The following RFC5 variants were observed in gnomAD, a reference collection of about 807,000 sequenced individuals.
RFC5 encodes replication factor C subunit 5.
A neutral mutation model predicts 44.3 loss-of-function variants in RFC5; 26 were observed. The observed-to-expected ratio is 0.59, with a 90% confidence interval of 0.43 to 0.81. The LOEUF is 0.81. Ranked by LOEUF, RFC5 falls within the 40% of genes least tolerant of loss-of-function variation. The probability of loss-of-function intolerance (pLI) is 0.00; values close to 1 mark genes in which losing one functional copy is unlikely to be tolerated. For synonymous variants in RFC5, 155 were observed against 155.2 expected (o/e 1.00, Z 0.01); for missense variants, 328 against 418.6 (o/e 0.78, Z 1.89).
At chr12:118,020,060 T>A (rs974632872) in intron 3 of RFC5, among the ~76,000 whole-genome samples, 4 of 152,204 alleles carry the variant, frequency 2.6e-5, no homozygotes, top group African/African-American at 9.6e-5. Context: ...CCATGGCCCC[T>A]CTAGATCAAT....
the RFC5 span, among the ~76,000 whole-genome samples, chr12:118,039,753 T>A: frequency 1.3e-5 from 2 of 152,170 alleles, no homozygotes; most frequent in African/African-American, 4.8e-5. Context: ...TATTTTTTTT[T>A]ATTTTTTTGA....
At chr12:118,025,149 C>T (rs150302026) in intron 6 of RFC5, 139 bp downstream of exon 6, 23 of 624,604 alleles carry the variant, frequency 3.7e-5, no homozygotes, top group South Asian at 4.6e-5. Flanking sequence ...CACTGGGGAC[C>T]GTCCACTGCT....
chr12:118,025,302 C>G (rs1857452548), intron 6 of RFC5: 2 of 368,864 alleles, frequency 5.4e-6, no homozygotes, highest in Non-Finnish European at 9.8e-6. Context: ...GCTGCTGAGT[C>G]CCTTCTGCAA....
chr12:118,034,735 T>A, downstream of RFC5: 1 of 538,504 alleles, frequency 1.9e-6, no homozygotes, highest in African/African-American at 1.9e-5. Flanking sequence ...CATCTCAATT[T>A]TATTCTCCCT....
chr12:118,034,086 C>T, downstream of RFC5: 1 of 1,434,242 alleles, frequency 7.0e-7, no homozygotes, highest in Non-Finnish European at 9.6e-7. Context: ...TTCACAATCC[C>T]AAAGAAATGC....
At chr12:118,034,023 G>A, downstream of RFC5, 1 of 837,082 alleles carries the variant, frequency 1.2e-6, no homozygotes, top group East Asian at 2.6e-5. Context: ...TCACATGCCA[G>A]GGAGAGAAAG....
intron 1 of RFC5, chr12:118,017,745 A>C (rs2030192828): frequency 1.5e-6 from 1 of 665,394 alleles, no homozygotes; most frequent in Non-Finnish European, 2.6e-6. Flanking sequence ...ATCACAGCTC[A>C]GTGTAACCTC....
chr12:118,030,265 C>T (rs775211922), intron 10 of RFC5, among the ~76,000 whole-genome samples: 3 of 152,192 alleles, frequency 2.0e-5, no homozygotes, highest in Non-Finnish European at 2.9e-5. Context: ...TGGCAGCTAT[C>T]ATTTAAGTAG....
chr12:118,023,701 A>G (rs2030711882), intron 5 of RFC5, among the ~76,000 whole-genome samples: 1 of 152,044 alleles, frequency 6.6e-6, no homozygotes, highest in Non-Finnish European at 1.5e-5. Flanking sequence ...TGAGTGCTCT[A>G]AGGCCTCCAG....
downstream of RFC5, chr12:118,034,915 C>A: frequency 6.9e-7 from 1 of 1,449,806 alleles, no homozygotes; most frequent in Non-Finnish European, 9.5e-7. Context: ...TAGATGGTTT[C>A]TTTCCTTAAA....
At chr12:118,024,234 A>G (rs1002530711) in intron 5 of RFC5, among the ~76,000 whole-genome samples, 3 of 151,462 alleles carry the variant, frequency 2.0e-5, no homozygotes, top group Non-Finnish European at 2.9e-5. Context: ...CCAGCTACTC[A>G]GGAGGCTGAG....
intron 5 of RFC5, 123 bp from the exon 6 acceptor site, chr12:118,024,728 A>G: frequency 1.3e-6 from 1 of 792,068 alleles, no homozygotes; most frequent in South Asian, 1.7e-5. Context: ...CAACATCCTC[A>G]CTTGTTTGCA....
chr12:118,039,057 A>G, the RFC5 span, among the ~76,000 whole-genome samples: 1 of 152,170 alleles, frequency 6.6e-6, no homozygotes, highest in Non-Finnish European at 1.5e-5. Context: ...CATCATTCCC[A>G]ATTTTAAGAG....
At chr12:118,025,356 C>A in intron 6 of RFC5, 1 of 329,894 alleles carries the variant, frequency 3.0e-6, no homozygotes, top group South Asian at 5.5e-5. Context: ...GGTTCTAAGA[C>A]ATCACATTCT....
chr12:118,017,924 C>T (rs1336618290), intron 1 of RFC5: 1 of 676,516 alleles, frequency 1.5e-6, no homozygotes, highest in Non-Finnish European at 2.7e-6. Context: ...TATCTAGTTC[C>T]AAAATTTCAT....
Position 118,031,322 on chromosome 12 carries a change from G to A in RFC5, c.*44G>A. The A allele has an allele frequency of 1.5e-6, 2 of 1,315,600 alleles. No individual in the cohort carries two copies. Among genetic ancestry groups the A allele is most frequent in the Non-Finnish European group, 2.2e-6 (2 of 912,020 alleles). The allele number at this position is 1,315,600 out of a possible 1,614,324, so 81.5% of individuals were successfully genotyped here. ...ACAATTCTCAGGGCTCAGCAGTGAT[G>A]GGAGAACAGAGGACAGTTCCAGGAT... is the stretch of plus-strand genomic sequence containing the variant. On this transcript the variant is annotated 3_prime_UTR_variant, in exon 11 of 11. Transcript: ENST00000454402.
chr12:118,022,325 C>A lies in RFC5; in HGVS notation c.387C>A (p.Ala129=), dbSNP rs773307225. Reference sequence around the variant, plus strand: ...TAGTGATCTTGGATGAAGCAGACGCCATGACTCAGGACGCCCAGAATGCCT... The same window carrying A: ...TAGTGATCTTGGATGAAGCAGACGCAATGACTCAGGACGCCCAGAATGCCT... ...FKLVILDEAD[A]MTQDAQNALR... is the part of the protein sequence containing the mutation. The change falls in exon 5 of 11, where the codon GCC becomes GCA. Residue 129 remains alanine (A), a synonymous_variant. Transcript: ENST00000454402. 5.0e-6 allele frequency: 8 copies of A among 1,613,920 alleles called. No homozygotes were observed. Among genetic ancestry groups the A allele is most frequent in the Admixed American group, 1.7e-5 (1 of 59,998 alleles).
downstream of RFC5, chr12:118,035,822 C>A (rs1383928084): frequency 6.1e-6 from 1 of 164,062 alleles, no homozygotes; most frequent in East Asian, 1.8e-4. Context: ...AATGCTGATT[C>A]CGAAGAAGTA....
chr12:118,036,636 T>C, downstream of RFC5: 1 of 974,750 alleles, frequency 1.0e-6, no homozygotes, highest in Non-Finnish European at 1.5e-6. Context: ...CTATCCCTTT[T>C]CTACAGCTCT....
Sources: gnomAD v4.1 joint callset for allele counts (sites outside exome capture counted in the v4.1 genomes callset) on GRCh38, gnomAD v4.1.1 for gene constraint, MANE v1.5 for transcripts, NCBI Gene and HGNC (gene_info 2026-07-23, HGNC 2026-07-21) for gene names.